Variants in HDAC9 observed in about 807,000 individuals in gnomAD.
HDAC9 encodes histone deacetylase 9.
HDAC9 carries 41 observed loss-of-function variants against 139.4 expected under a neutral mutation model. That is an observed-to-expected ratio of 0.29 (90% CI 0.23 to 0.38). The LOEUF (loss-of-function observed/expected upper bound fraction) is 0.38. Ranked by LOEUF, HDAC9 falls within the 10% of genes least tolerant of loss-of-function variation. The pLI is 1.00. For missense variants in HDAC9, 1,147 were observed against 1,297.0 expected (o/e 0.88, Z 1.78); for synonymous variants, 517 against 476.2 (o/e 1.09, Z -1.12).
chr7:18,929,042 G>A (rs1382515299), intron 22 of HDAC9, among the ~76,000 whole-genome samples: 1 of 151,720 alleles, frequency 6.6e-6, no homozygotes, highest in Non-Finnish European at 1.5e-5. Flanking sequence ...TATTCTCTGG[G>A]AACTATTTGG....
rs112007642 is a variant in HDAC9, at chr7:18,554,404, C to T, written c.23-30877C>T. 6.4e-3 allele frequency among the ~76,000 whole-genome samples: 890 copies of T among 138,218 alleles called. 5 individuals are homozygous for T. The highest frequency in any genetic ancestry group is 8.9e-3 in the Non-Finnish European group (588 of 65,994). 90.7% of individuals were successfully genotyped at this position (138,218 alleles called of 152,430 possible). ...AGGCTGGCGTGCAGTGGCGCGATCT[C>T]GGCTCACTGCAAGCTCCACCTCCTG... On this transcript the variant is annotated intron_variant, in intron 2 of 25. Coordinates refer to ENST00000686413, the MANE Select transcript of HDAC9 (RefSeq NM_178425.4).
intron 1 of HDAC9, among the ~76,000 whole-genome samples, chr7:18,453,733 G>T (rs539674577): frequency 3.4e-4 from 52 of 152,040 alleles, no homozygotes; most frequent in African/African-American, 1.2e-3. Flanking sequence ...CAAAATTTTT[G>T]TATAGATTAT....
intron 6 of HDAC9, among the ~76,000 whole-genome samples, chr7:18,624,455 A>G (rs1163636693): frequency 6.6e-6 from 1 of 152,178 alleles, no homozygotes; most frequent in Admixed American, 6.6e-5. Flanking sequence ...TATTCAGATG[A>G]GCACACACAC....
At chr7:18,431,523 A>G (rs1343547286) in intron 1 of HDAC9, among the ~76,000 whole-genome samples, 1 of 152,208 alleles carries the variant, frequency 6.6e-6, no homozygotes, top group Non-Finnish European at 1.5e-5. Context: ...ATGCATGTGT[A>G]TTATTTCCCC....
intron 22 of HDAC9, chr7:18,892,230 C>G (rs1164365390): frequency 6.6e-6 from 1 of 152,146 alleles, no homozygotes; most frequent in African/African-American, 2.4e-5. Flanking sequence ...TGGACCAACT[C>G]ATACAATGGT....
At chr7:18,524,341 C>A (rs1355148736) in intron 2 of HDAC9, among the ~76,000 whole-genome samples, 2 of 152,154 alleles carry the variant, frequency 1.3e-5, no homozygotes, top group African/African-American at 4.8e-5. Flanking sequence ...AATTACTCCT[C>A]AGCTGTAAAT....
chr7:18,323,621 G>A (rs2128638695), intron 1 of HDAC9, among the ~76,000 whole-genome samples: 1 of 152,270 alleles, frequency 6.6e-6, no homozygotes, highest in South Asian at 2.1e-4. Flanking sequence ...AAGCTCCCAT[G>A]TCCTAAGTTT....
chr7:18,877,001 T>A (rs1389103863), intron 22 of HDAC9, among the ~76,000 whole-genome samples: 1 of 152,006 alleles, frequency 6.6e-6, no homozygotes, highest in African/African-American at 2.4e-5. Context: ...CACACCCAGT[T>A]GAGAATAGAG....
At chr7:18,780,657 G>A (rs554155393) in intron 16 of HDAC9, among the ~76,000 whole-genome samples, 3 of 152,166 alleles carry the variant, frequency 2.0e-5, no homozygotes, top group South Asian at 4.1e-4. Flanking sequence ...GGCCCAAACA[G>A]GGGTGGTGTT....
At chr7:18,807,887 T>G (rs532224044) in intron 17 of HDAC9, 2 of 152,306 alleles carry the variant, frequency 1.3e-5, no homozygotes, top group South Asian at 4.1e-4. Context: ...TTGAGGAGAA[T>G]GTGTATTCTG....
chr7:18,555,462 T>C (rs564514904), intron 2 of HDAC9, among the ~76,000 whole-genome samples: 166 of 152,316 alleles, frequency 1.1e-3, no homozygotes, highest in South Asian at 4.8e-3. Flanking sequence ...GAATATGATC[T>C]GGCTTTTAGA....
intron 1 of HDAC9, among the ~76,000 whole-genome samples, chr7:18,485,825 A>G (rs944829962): frequency 1.2e-4 from 19 of 152,296 alleles, no homozygotes; most frequent in East Asian, 1.2e-3. Context: ...CTGCATAATA[A>G]GTGGCAGAGA....
At chr7:18,894,799 A>G (rs1014824240) in intron 22 of HDAC9, among the ~76,000 whole-genome samples, 2 of 152,164 alleles carry the variant, frequency 1.3e-5, no homozygotes, top group Non-Finnish European at 2.9e-5. Flanking sequence ...ATTGCTATAC[A>G]AATGTTCTTG....
At chr7:18,723,649 G>A (rs1785303955) in intron 12 of HDAC9, among the ~76,000 whole-genome samples, 4 of 152,034 alleles carry the variant, frequency 2.6e-5, no homozygotes, top group South Asian at 2.1e-4. Flanking sequence ...ATGCTTTTGA[G>A]TTAGCAAACT....
intron 12 of HDAC9, among the ~76,000 whole-genome samples, chr7:18,701,053 G>C (rs914026662): frequency 6.6e-6 from 1 of 151,880 alleles, no homozygotes; most frequent in Non-Finnish European, 1.5e-5. Flanking sequence ...ACAGATACAG[G>C]ACCAAATTAA....
intron 2 of HDAC9, among the ~76,000 whole-genome samples, chr7:18,177,405 A>G (rs1789006267): frequency 6.6e-6 from 1 of 152,146 alleles, no homozygotes; most frequent in Non-Finnish European, 1.5e-5. Flanking sequence ...TCTCTATCAC[A>G]TCTATTTAAG....
chr7:18,950,591 C>A lies in HDAC9; in HGVS notation c.2938-3555C>A, dbSNP rs1235618403. ...TTTCATATACAGTCTCCATCTTCGT[C>A]TTTAAATGGCTCACAACAAAATAGA... On this transcript the variant is annotated intron_variant, in intron 23 of 25. Coordinates refer to ENST00000686413, the MANE Select transcript of HDAC9 (RefSeq NM_178425.4). 2.0e-5 allele frequency among the ~76,000 whole-genome samples: 3 copies of A among 151,956 alleles called. No individual in the cohort carries two copies. In the East Asian group the frequency reaches 5.8e-4, roughly 29 times the overall value.
chr7:18,679,472 C>T (rs1411619075), intron 12 of HDAC9, among the ~76,000 whole-genome samples: 1 of 151,502 alleles, frequency 6.6e-6, no homozygotes, highest in South Asian at 2.1e-4. Flanking sequence ...TCTTCCTTCC[C>T]TCCCACCCTC....
chr7:18,923,115 A>G (rs1803905326), intron 22 of HDAC9, among the ~76,000 whole-genome samples: 1 of 152,088 alleles, frequency 6.6e-6, no homozygotes, highest in Non-Finnish European at 1.5e-5. Context: ...CCCAGTTGCT[A>G]TTATTTTCTG....
Sources: allele counts gnomAD v4.1 joint callset (sites outside exome capture counted in the v4.1 genomes callset), GRCh38; gene constraint gnomAD v4.1.1; transcripts MANE v1.5; gene names NCBI Gene and HGNC (gene_info 2026-07-23, HGNC 2026-07-21).